Variants in SLC8A1 observed in about 807,000 individuals in gnomAD.
SLC8A1 encodes the protein solute carrier family 8 member A1.
In SLC8A1, 18 loss-of-function variants were observed where a neutral mutation model predicts 68.3. The ratio of observed to expected loss-of-function variants is 0.26; its 90% CI spans 0.18 to 0.39. The LOEUF is 0.39. SLC8A1 is among the 10% of genes least tolerant of loss of function. The pLI is 1.00. For missense variants in SLC8A1, 985 were observed against 1,156.7 expected (o/e 0.85, Z 2.15); for synonymous variants, 475 against 415.5 (o/e 1.14, Z -1.74).
At chr2:40,102,603 CGTGTGTGAATGAGCAGCT>C in exon 8 of SLC8A1, 1 of 152,162 alleles carries the variant, frequency 6.6e-6, no homozygotes, top group Admixed American at 6.5e-5. Context: ...ACGAGATGAG[CGTGTGTGAATGAGCAGCT>C]GTCTGTGAGG....
At chr2:40,330,953 T>C (rs976527593) in intron 2 of SLC8A1, among the ~76,000 whole-genome samples, 1 of 152,156 alleles carries the variant, frequency 6.6e-6, no homozygotes, top group Non-Finnish European at 1.5e-5. Flanking sequence ...CAAAATTGAA[T>C]GAATAAAAAC....
chr2:40,163,758 G>A (rs1268972788), intron 5 of SLC8A1, among the ~76,000 whole-genome samples: 1 of 152,140 alleles, frequency 6.6e-6, no homozygotes, highest in South Asian at 2.1e-4. Context: ...AAAGGAAAAA[G>A]ATTAATTGCA....
chr2:40,309,467 A>G (rs1442540713), intron 2 of SLC8A1, among the ~76,000 whole-genome samples: 1 of 150,498 alleles, frequency 6.6e-6, no homozygotes, highest in Non-Finnish European at 1.5e-5. Flanking sequence ...TAAGCAGGTC[A>G]TATTGTGTAA....
chr2:40,359,445 T>G (rs531491240), intron 2 of SLC8A1, among the ~76,000 whole-genome samples: 1 of 152,250 alleles, frequency 6.6e-6, no homozygotes, highest in East Asian at 1.9e-4. Context: ...GTTTTTGTCC[T>G]GAGCGCAATG....
chr2:40,223,414 C>T (rs2058592228), intron 2 of SLC8A1, among the ~76,000 whole-genome samples: 1 of 151,980 alleles, frequency 6.6e-6, no homozygotes. Context: ...ATACCTAATG[C>T]AGATGACGGG....
exon 8 of SLC8A1, chr2:40,107,290 A>AAAAAAAAAAAAAAAAAAAAAAAC (rs2034271748): frequency 6.7e-6 from 1 of 149,358 alleles, no homozygotes; most frequent in African/African-American, 2.5e-5. Context: ...AAAAAAAAAA[A>AAAAAAAAAAAAAAAAAAAAAAAC]AAAAAAAAAG....
chr2:40,288,855 A>G (rs958229655), intron 2 of SLC8A1, among the ~76,000 whole-genome samples: 1 of 134,108 alleles, frequency 7.5e-6, no homozygotes, highest in Non-Finnish European at 1.5e-5. Context: ...ATATATATGT[A>G]TATATATGAT....
Position 40,442,606 on chromosome 2 carries a change from A to T in SLC8A1, c.-25+9298T>A, listed in dbSNP as rs1450396814. Among the ~76,000 whole-genome samples the T allele has an allele frequency of 3.9e-5, 6 of 152,310 alleles. No individual in the cohort carries two copies. In the East Asian group the frequency reaches 1.2e-3, roughly 29 times the overall value. ...AATTATTAAAAAGTCAGGAAACAAT[A>T]GATGCTGGTGAGGCTGTGGACAAAC... On this transcript the variant is annotated intron_variant, in intron 1 of 7. Transcript: ENST00000406785.
chr2:40,445,712 G>A (rs1701313401), intron 1 of SLC8A1, among the ~76,000 whole-genome samples: 1 of 152,206 alleles, frequency 6.6e-6, no homozygotes, highest in Non-Finnish European at 1.5e-5. Flanking sequence ...ATGTCCAGGG[G>A]AAGAAAGGCA....
chr2:40,427,755 G>A (rs1300245678), intron 2 of SLC8A1, among the ~76,000 whole-genome samples: 2 of 152,096 alleles, frequency 1.3e-5, no homozygotes, highest in East Asian at 1.9e-4. Flanking sequence ...AACTAGACAC[G>A]TGGACAGAAC....
intron 2 of SLC8A1, among the ~76,000 whole-genome samples, chr2:40,427,060 C>T (rs1031076924): frequency 2.6e-5 from 4 of 151,912 alleles, no homozygotes; most frequent in Non-Finnish European, 4.4e-5. Flanking sequence ...ACACTAACAA[C>T]ATTAGAATTA....
intron 6 of SLC8A1, among the ~76,000 whole-genome samples, chr2:40,148,998 A>G (rs1470570695): frequency 6.6e-6 from 1 of 152,108 alleles, no homozygotes; most frequent in South Asian, 2.1e-4. Context: ...TTTTTCTTCA[A>G]TATCAGCCAT....
chr2:40,198,883 C>A (rs2053596329), intron 2 of SLC8A1, among the ~76,000 whole-genome samples: 1 of 148,844 alleles, frequency 6.7e-6, no homozygotes. Flanking sequence ...GCTTGGTGAT[C>A]AATTCTTTGA....
At chr2:40,434,872 G>C (rs1576464933) in intron 1 of SLC8A1, among the ~76,000 whole-genome samples, 1 of 152,210 alleles carries the variant, frequency 6.6e-6, no homozygotes, top group Non-Finnish European at 1.5e-5. Flanking sequence ...CGGAGGAAGA[G>C]GTCACAGCTA....
chr2:40,454,811 T>C (rs1240190800), upstream of SLC8A1, among the ~76,000 whole-genome samples: 1 of 152,218 alleles, frequency 6.6e-6, no homozygotes, highest in African/African-American at 2.4e-5. Context: ...TGAGTGAGTT[T>C]TTATTGCGAG....
chr2:40,436,328 C>A (rs138886150), intron 1 of SLC8A1, among the ~76,000 whole-genome samples: 1 of 152,070 alleles, frequency 6.6e-6, no homozygotes, highest in Admixed American at 6.6e-5. Context: ...GGGAAATGGG[C>A]CTAAGCATTT....
intron 2 of SLC8A1, chr2:40,178,460 C>A (rs1452919223): frequency 1.2e-6 from 2 of 1,613,496 alleles, no homozygotes; most frequent in Admixed American, 1.7e-5. Flanking sequence ...TCTCATACTC[C>A]TCATCATCAA....
At chr2:40,271,281 C>G (rs1196906008) in intron 2 of SLC8A1, among the ~76,000 whole-genome samples, 1 of 151,960 alleles carries the variant, frequency 6.6e-6, no homozygotes, top group East Asian at 1.9e-4. Context: ...CAGGTGTTAT[C>G]AGGCTCCAGC....
chr2:40,419,674 G>C (rs571896049), intron 2 of SLC8A1, among the ~76,000 whole-genome samples: 3 of 152,092 alleles, frequency 2.0e-5, no homozygotes, highest in South Asian at 2.1e-4. Context: ...TGGTTAGTGT[G>C]CAAGAAGGAA....
Sources: gnomAD v4.1 joint callset for allele counts (sites outside exome capture counted in the v4.1 genomes callset) on GRCh38, gnomAD v4.1.1 for gene constraint, MANE v1.5 for transcripts, NCBI Gene and HGNC (gene_info 2026-07-23, HGNC 2026-07-21) for gene names.